MBOAT2: variants seen among roughly 807,000 people sequenced by gnomAD.
The protein encoded by MBOAT2 is membrane bound glycerophospholipid O-acyltransferase 2.
In MBOAT2, 28 loss-of-function variants were observed where a neutral mutation model predicts 63.4. That is an observed-to-expected ratio of 0.44 (90% CI 0.33 to 0.61). The LOEUF is 0.61. MBOAT2 is among the 20% of genes least tolerant of loss of function. MBOAT2 has a pLI of 0.03. For synonymous variants in MBOAT2, 211 were observed against 215.6 expected (o/e 0.98, Z 0.19); for missense variants, 470 against 605.8 (o/e 0.78, Z 2.35).
At chr2:8,936,068 C>T (rs1667639772) in intron 3 of MBOAT2, among the ~76,000 whole-genome samples, 1 of 152,104 alleles carries the variant, frequency 6.6e-6, no homozygotes, top group South Asian at 2.1e-4. Context: ...TACTACTTTC[C>T]ACCACAGCTG....
intron 1 of MBOAT2, among the ~76,000 whole-genome samples, chr2:8,970,146 A>C (rs1468879838): frequency 6.6e-6 from 1 of 152,222 alleles, no homozygotes; most frequent in Non-Finnish European, 1.5e-5. Context: ...CAAATGTAAA[A>C]GAACAGAAAT....
chr2:8,994,273 A>C (rs1258409096), intron 1 of MBOAT2, among the ~76,000 whole-genome samples: 1 of 152,178 alleles, frequency 6.6e-6, no homozygotes, highest in Non-Finnish European at 1.5e-5. Context: ...GTGTTATCAG[A>C]GTAGAATACA....
intron 3 of MBOAT2, among the ~76,000 whole-genome samples, chr2:8,941,516 T>A (rs1668047887): frequency 6.6e-6 from 1 of 152,092 alleles, no homozygotes; most frequent in Non-Finnish European, 1.5e-5. Flanking sequence ...ATGTGGCTAG[T>A]GTACAGGCGT....
chr2:8,937,057 C>T (rs1182766305), intron 3 of MBOAT2, among the ~76,000 whole-genome samples: 1 of 152,208 alleles, frequency 6.6e-6, no homozygotes, highest in East Asian at 1.9e-4. Context: ...TTCGGCCCTT[C>T]CCTCATTTCC....
intron 1 of MBOAT2, among the ~76,000 whole-genome samples, chr2:8,977,899 C>T (rs1670931920): frequency 6.6e-6 from 1 of 152,092 alleles, no homozygotes; most frequent in African/African-American, 2.4e-5. Context: ...GGAATCCATG[C>T]TTCAGTTCCT....
chr2:8,902,572 T>G (rs542238708), intron 4 of MBOAT2, among the ~76,000 whole-genome samples: 1 of 151,778 alleles, frequency 6.6e-6, no homozygotes, highest in Non-Finnish European at 1.5e-5. Context: ...TTAAAGGCGG[T>G]GCGTCTGGAG....
At chr2:8,871,467 C>T (rs1034695112) in intron 8 of MBOAT2, among the ~76,000 whole-genome samples, 6 of 152,232 alleles carry the variant, frequency 3.9e-5, no homozygotes, top group Middle Eastern at 3.4e-3. Context: ...AGCGATTCAA[C>T]CAACAGGTCA....
At chr2:8,869,333 T>C (rs1407571408) in intron 8 of MBOAT2, among the ~76,000 whole-genome samples, 1 of 151,852 alleles carries the variant, frequency 6.6e-6, no homozygotes, top group Non-Finnish European at 1.5e-5. Flanking sequence ...AGGCAAGAGC[T>C]ACCGCACCCG....
chr2:8,872,659 C>T (rs962302510), intron 8 of MBOAT2, among the ~76,000 whole-genome samples: 1 of 152,124 alleles, frequency 6.6e-6, no homozygotes, highest in Admixed American at 6.5e-5. Flanking sequence ...ACTGATGACC[C>T]CCTATCAATG....
chr2:8,947,499 T>C (rs2103249202), intron 2 of MBOAT2, among the ~76,000 whole-genome samples: 1 of 152,248 alleles, frequency 6.6e-6, no homozygotes, highest in African/African-American at 2.4e-5. Flanking sequence ...CTTTCATAGC[T>C]AGAGAGGAGA....
chr2:8,988,569 C>G (rs529985184), intron 1 of MBOAT2, among the ~76,000 whole-genome samples: 73 of 152,176 alleles, frequency 4.8e-4, no homozygotes, highest in African/African-American at 1.7e-3. Flanking sequence ...AACATTATAT[C>G]CTTTGAGCCA....
chr2:8,860,134 C>G (rs1276340675), intron 12 of MBOAT2, among the ~76,000 whole-genome samples: 3 of 151,940 alleles, frequency 2.0e-5, no homozygotes, highest in Non-Finnish European at 4.4e-5. Context: ...TTGCAGTGAG[C>G]CGAGCGAGAT....
chr2:8,975,474 C>T (rs1452868553), intron 1 of MBOAT2, among the ~76,000 whole-genome samples: 1 of 152,012 alleles, frequency 6.6e-6, no homozygotes, highest in Admixed American at 6.6e-5. Context: ...CTATCTGTGC[C>T]TTTCATTCAC....
chr2:8,971,688 T>A (rs1165572225), intron 1 of MBOAT2, among the ~76,000 whole-genome samples: 1 of 152,182 alleles, frequency 6.6e-6, no homozygotes, highest in Non-Finnish European at 1.5e-5. Context: ...ACAAAATCAA[T>A]GTGCAAAAAT....
intron 1 of MBOAT2, among the ~76,000 whole-genome samples, chr2:8,960,700 T>A (rs1437552007): frequency 6.6e-6 from 1 of 152,202 alleles, no homozygotes; most frequent in Non-Finnish European, 1.5e-5. Flanking sequence ...ACAGAATCTT[T>A]GAAATCATCT....
At chr2:8,947,557 G>A (rs1190834169) in intron 2 of MBOAT2, among the ~76,000 whole-genome samples, 1 of 152,146 alleles carries the variant, frequency 6.6e-6, no homozygotes, top group Non-Finnish European at 1.5e-5. Flanking sequence ...AATGCAGCTG[G>A]TGACTTTAAG....
At chr2:8,963,432 C>T (rs533527664) in intron 1 of MBOAT2, among the ~76,000 whole-genome samples, 8 of 152,012 alleles carry the variant, frequency 5.3e-5, no homozygotes, top group East Asian at 1.9e-4. Flanking sequence ...GCCTCCCAAG[C>T]AGCTGGGATT....
intron 1 of MBOAT2, among the ~76,000 whole-genome samples, chr2:8,983,229 T>C (rs1671324709): frequency 6.6e-6 from 1 of 152,102 alleles, no homozygotes; most frequent in South Asian, 2.1e-4. Flanking sequence ...CAAATACATA[T>C]TGTATTTTCA....
At chr2:8,863,440 AC>A (rs2148509812) in intron 10 of MBOAT2, among the ~76,000 whole-genome samples, 1 of 152,212 alleles carries the variant, frequency 6.6e-6, no homozygotes, top group African/African-American at 2.4e-5. Flanking sequence ...CGATAAGAGA[AC>A]CCCTGGGAGG....
Sources: gnomAD v4.1 joint callset for allele counts (sites outside exome capture counted in the v4.1 genomes callset) on GRCh38, gnomAD v4.1.1 for gene constraint, MANE v1.5 for transcripts, NCBI Gene and HGNC (gene_info 2026-07-23, HGNC 2026-07-21) for gene names.